The following PTRH1 variants were observed in gnomAD, a reference collection of about 807,000 sequenced individuals.
PTRH1 encodes the protein peptidyl-tRNA hydrolase 1 homolog, also known as peptidyl-tRNA hydrolase.
Under a neutral mutation model 15.7 loss-of-function variants are expected in PTRH1, and 13 were observed. The ratio of observed to expected loss-of-function variants is 0.83; its 90% CI spans 0.54 to 1.31. The LOEUF (loss-of-function observed/expected upper bound fraction) is 1.31, where lower values mean the gene tolerates loss of function less well. PTRH1 is among the 40% of genes most tolerant of loss of function. The probability of loss-of-function intolerance (pLI) is 0.00; values close to 1 mark genes in which losing one functional copy is unlikely to be tolerated. For synonymous variants in PTRH1, 139 were observed against 136.7 expected (o/e 1.02, Z -0.12); for missense variants, 319 against 296.2 (o/e 1.08, Z -0.56).
exon 2 of PTRH1, chr9:127,694,943 C>G (rs1285522266): frequency 1.4e-6 from 1 of 701,420 alleles, no homozygotes; most frequent in South Asian, 1.5e-5. Context: ...TAAATCCACC[C>G]TTGGCCTCTT....
chr9:127,714,778 G>A (rs1468103119), intron 2 of PTRH1, 76 bp from the exon 3 acceptor site: 24 of 1,271,554 alleles, frequency 1.9e-5, no homozygotes, highest in Non-Finnish European at 2.5e-5. Flanking sequence ...CCATGATGAG[G>A]GACCACAACT....
rs1423193088 is a variant in PTRH1 at position 127,715,470 on chromosome 9, C to T, written c.96+74G>A. On this transcript the variant is annotated intron_variant, in intron 1 of 4. Coordinates refer to ENST00000543175, the MANE Select transcript of PTRH1 (RefSeq NM_001002913.3). The surrounding 1 kb of genome is among the most constrained non-coding windows in gnomAD (Gnocchi z 5.8). ...AACAGAGCAGCAATTTGGGGGCACT[C>T]GGCTCCCGGGACATAATGGCCGAAC... is the stretch of plus-strand genomic sequence containing the variant. The T allele has an allele frequency of 3.1e-6, 5 of 1,597,314 alleles. No individual in the cohort carries two copies. Among genetic ancestry groups the T allele is most frequent in the East Asian group, 2.2e-5 (1 of 44,476 alleles).
At chr9:127,710,502 C>G, downstream of PTRH1, 4 of 1,417,550 alleles carry the variant, frequency 2.8e-6, no homozygotes, top group South Asian at 1.3e-5. Context: ...ACAGGGCGCA[C>G]AGGAAGGGAC....
At chr9:127,703,379 G>A (rs1842618208) in intron 1 of PTRH1, among the ~76,000 whole-genome samples, 1 of 152,010 alleles carries the variant, frequency 6.6e-6, no homozygotes, top group African/African-American at 2.4e-5. Flanking sequence ...CCAGGAGGTG[G>A]AGGTTGCAGT....
chr9:127,695,113 C>A lies in PTRH1; in HGVS notation c.234G>T (p.Gln78His), dbSNP rs550715085. ...GATGATGGTGATGATGATGATGCTGCTGCTGTTGACGATGAGTCCAAGCCA... is the reference window on the plus strand; with the variant it reads ...GATGATGGTGATGATGATGATGCTGATGCTGTTGACGATGAGTCCAAGCCA... Residue 78 changes from glutamine to histidine, a missense_variant, in exon 2 of 3, where the codon CAG becomes CAT. By Grantham distance (24) the Gln-to-His change is conservative. Coordinates refer to the PTRH1 transcript ENST00000335223. 7.3e-5 allele frequency: 51 copies of A among 700,522 alleles called. No individual in the cohort carries two copies. In the South Asian group the frequency reaches 7.6e-4, roughly 10 times the overall value. 43.4% of individuals were successfully genotyped at this position (700,522 alleles called of 1,614,324 possible). A position where few individuals can be genotyped will look rare whatever the true frequency, so the allele number is the denominator to read the frequency against.
intron 1 of PTRH1, among the ~76,000 whole-genome samples, chr9:127,698,578 T>A (rs1842579639): frequency 1.3e-5 from 2 of 152,008 alleles, no homozygotes; most frequent in Admixed American, 1.3e-4. Flanking sequence ...TAACCCCAAC[T>A]ACTTGGGAGG....
At chr9:127,706,330 C>T (rs751507546) in intron 1 of PTRH1, among the ~76,000 whole-genome samples, 1 of 152,182 alleles carries the variant, frequency 6.6e-6, no homozygotes, top group South Asian at 2.1e-4. Context: ...CATCTAGTTG[C>T]TCCAAGAAAC....
At chr9:127,709,566 C>T (rs61738563), downstream of PTRH1, 2,031 of 1,614,100 alleles carry the variant, frequency 1.3e-3, 21 homozygotes, top group African/African-American at 0.024. This position sits in a 1 kb window ranked among gnomAD's most constrained non-coding sequence, Gnocchi z 4.7. Context: ...CAGACCTCAA[C>T]GAGCAGCTCC....
At chr9:127,706,805 C>G (rs1354292760) in intron 1 of PTRH1, among the ~76,000 whole-genome samples, 1 of 152,188 alleles carries the variant, frequency 6.6e-6, no homozygotes, top group Admixed American at 6.5e-5. Context: ...AAAAAGTTGC[C>G]CTGGGAGCCA....
At chr9:127,695,819 T>G (rs550504507) in intron 1 of PTRH1, 6 of 152,320 alleles carry the variant, frequency 3.9e-5, no homozygotes, top group African/African-American at 1.2e-4. Context: ...CTTCAAAACC[T>G]CATAAAAAGC....
At chr9:127,712,178 C>A, downstream of PTRH1, 1 of 1,613,398 alleles carries the variant, frequency 6.2e-7, no homozygotes. Flanking sequence ...AGGCTGTTGA[C>A]TCATCCCAGT....
downstream of PTRH1, chr9:127,709,574 T>C (rs1235209532): frequency 1.2e-6 from 2 of 1,614,004 alleles, no homozygotes; most frequent in Non-Finnish European, 1.7e-6. The surrounding 1 kb of genome is among the most constrained non-coding windows in gnomAD (Gnocchi z 4.7). Flanking sequence ...AACGAGCAGC[T>C]CCAGAACTTG....
chr9:127,704,520 A>G (rs1015992822), intron 1 of PTRH1, among the ~76,000 whole-genome samples: 31 of 151,716 alleles, frequency 2.0e-4, no homozygotes, highest in Non-Finnish European at 2.7e-4. Flanking sequence ...AAAAAAAAAA[A>G]AAAGAAAAGA....
intron 1 of PTRH1, chr9:127,695,562 T>A (rs1183154261): frequency 3.7e-5 from 6 of 162,722 alleles, no homozygotes; most frequent in Non-Finnish European, 6.6e-5. Flanking sequence ...CTGAAGCCTG[T>A]TAGCAATAAT....
downstream of PTRH1, chr9:127,713,396 C>G: frequency 1.9e-6 from 1 of 518,154 alleles, no homozygotes; most frequent in Non-Finnish European, 3.3e-6. Flanking sequence ...CACACATGCC[C>G]TGGGAGGGGG....
chr9:127,707,124 G>T, intron 1 of PTRH1: 2 of 1,613,678 alleles, frequency 1.2e-6, no homozygotes, highest in Non-Finnish European at 1.7e-6. Flanking sequence ...CCGTGGAGCC[G>T]CCTCTGGCCA....
At chr9:127,702,260 CT>C (rs1343391336) in intron 1 of PTRH1, among the ~76,000 whole-genome samples, 1 of 151,576 alleles carries the variant, frequency 6.6e-6, no homozygotes, top group African/African-American at 2.4e-5. Flanking sequence ...GTAGTCCCAG[CT>C]ACTCGGGAGG....
chr9:127,701,872 C>T (rs1842605925), intron 1 of PTRH1, among the ~76,000 whole-genome samples: 1 of 151,652 alleles, frequency 6.6e-6, no homozygotes, highest in African/African-American at 2.4e-5. Flanking sequence ...CAAGATCGCA[C>T]CATTGCACTC....
intron 1 of PTRH1, among the ~76,000 whole-genome samples, chr9:127,702,492 G>A (rs150615017): frequency 1.3e-5 from 2 of 152,000 alleles, no homozygotes; most frequent in Admixed American, 6.6e-5. Flanking sequence ...AACTGTGGTT[G>A]TGCCACTGCA....
Sources: gnomAD v4.1 joint callset for allele counts (sites outside exome capture counted in the v4.1 genomes callset) on GRCh38, gnomAD v4.1.1 for gene constraint, Gnocchi (gnomAD v3.1) non-coding constraint, MANE v1.5 for transcripts, NCBI Gene and HGNC (gene_info 2026-07-23, HGNC 2026-07-21) for gene names.